Variants in GPC5 observed in about 807,000 individuals in gnomAD.
GPC5 encodes the protein glypican 5.
A neutral mutation model predicts 53.9 loss-of-function variants in GPC5; 47 were observed. The observed-to-expected ratio is 0.87, with a 90% CI of 0.69 to 1.11. GPC5 has a LOEUF of 1.11. Ranked by LOEUF, GPC5 falls within the 50% of genes most tolerant of loss-of-function variation. The pLI is 0.00. For synonymous variants in GPC5, 286 were observed against 263.3 expected, an observed-to-expected ratio of 1.09 and a Z score of -0.84; for missense variants, 748 against 713.1, an observed-to-expected ratio of 1.05 and a Z score of -0.56.
At chr13:91,839,017 G>A (rs770048519) in intron 5 of GPC5, among the ~76,000 whole-genome samples, 5 of 152,036 alleles carry the variant, frequency 3.3e-5, no homozygotes, top group Non-Finnish European at 5.9e-5. Context: ...TGATTACTCT[G>A]TATACTGCAC....
chr13:92,467,984 G>A (rs998244463), intron 7 of GPC5, among the ~76,000 whole-genome samples: 2 of 152,044 alleles, frequency 1.3e-5, no homozygotes, highest in African/African-American at 2.4e-5. Context: ...CGAACTCAGA[G>A]TTTATTCCTC....
At chr13:91,815,681 A>C (rs1456666491) in intron 5 of GPC5, among the ~76,000 whole-genome samples, 1 of 151,936 alleles carries the variant, frequency 6.6e-6, no homozygotes, top group Non-Finnish European at 1.5e-5. Flanking sequence ...GTGCCTCCAC[A>C]CCCTGCGTGA....
intron 2 of GPC5, among the ~76,000 whole-genome samples, chr13:91,684,565 T>C (rs531719111): frequency 6.6e-6 from 1 of 152,284 alleles, no homozygotes; most frequent in African/African-American, 2.4e-5. Flanking sequence ...ATTCAGTACA[T>C]ATGGACAATC....
At chr13:92,639,626 G>A (rs930688545) in intron 7 of GPC5, among the ~76,000 whole-genome samples, 3 of 152,166 alleles carry the variant, frequency 2.0e-5, no homozygotes, top group African/African-American at 7.2e-5. Context: ...CTTTTAGGTG[G>A]TCTGGGCATT....
At chr13:91,831,574 A>G (rs993494498) in intron 5 of GPC5, among the ~76,000 whole-genome samples, 3 of 152,030 alleles carry the variant, frequency 2.0e-5, no homozygotes, top group African/African-American at 7.2e-5. Flanking sequence ...AATTATATTG[A>G]AATACATAGG....
chr13:92,531,384 T>C (rs1881558629), intron 7 of GPC5, among the ~76,000 whole-genome samples: 1 of 151,846 alleles, frequency 6.6e-6, no homozygotes, highest in African/African-American at 2.4e-5. Context: ...ATATATATAT[T>C]TAAAATATAT....
chr13:91,843,798 G>A (rs1470078723), intron 5 of GPC5, among the ~76,000 whole-genome samples: 1 of 152,120 alleles, frequency 6.6e-6, no homozygotes, highest in Non-Finnish European at 1.5e-5. Context: ...TTAAAGAAAA[G>A]GGGGAAACAG....
intron 7 of GPC5, among the ~76,000 whole-genome samples, chr13:92,637,544 G>T (rs1016581223): frequency 1.3e-5 from 2 of 152,138 alleles, no homozygotes; most frequent in African/African-American, 4.8e-5. Context: ...GAAGTGTATT[G>T]TCTCACTAAT....
At chr13:92,579,557 G>A (rs1883309407) in intron 7 of GPC5, among the ~76,000 whole-genome samples, 1 of 151,910 alleles carries the variant, frequency 6.6e-6, no homozygotes, top group South Asian at 2.1e-4. Context: ...CGTATGTGGG[G>A]CCATAAGGGG....
chr13:91,598,529 A>C (rs2033073806), intron 2 of GPC5, among the ~76,000 whole-genome samples: 1 of 152,060 alleles, frequency 6.6e-6, no homozygotes, highest in Admixed American at 6.5e-5. Flanking sequence ...TTTCTTTGCC[A>C]ATCACTGGCA....
chr13:92,443,962 C>A lies in GPC5; in HGVS notation c.1561+298973C>A, dbSNP rs561130932. Among the ~76,000 whole-genome samples, 4 of 152,254 alleles carry A rather than the reference C, an allele frequency of 2.6e-5. 1 individual carries two copies. Among genetic ancestry groups the A allele is most frequent in the African/African-American group, 9.6e-5 (4 of 41,558 alleles). Reference sequence around the variant, plus strand: ...ACACATGTGTGGATTCCTATTATTTCCCAGTCATGCTCAGCTGCTACATGT... The same window carrying A: ...ACACATGTGTGGATTCCTATTATTTACCAGTCATGCTCAGCTGCTACATGT... On this transcript the variant is annotated intron_variant, in intron 7 of 7. Coordinates refer to ENST00000377067, the MANE Select transcript of GPC5 (RefSeq NM_004466.6).
rs147454180 is a variant in GPC5, at chr13:92,529,561, T to C, written c.1562-336721T>C. 2.1e-3 allele frequency among the ~76,000 whole-genome samples: 325 copies of C among 152,258 alleles called. 2 individuals carry two copies. Among genetic ancestry groups the C allele is most frequent in the African/African-American group, 7.3e-3 (304 of 41,548 alleles). On this transcript the variant is annotated intron_variant, in intron 7 of 7. Transcript: ENST00000377067. The stretch of plus-strand genomic sequence containing the variant: ...TGTCTTTAGGTGGCTTAATCTAATA[T>C]AGTAATGTAACCAGCTGGCAAGTAA...
intron 6 of GPC5, among the ~76,000 whole-genome samples, chr13:92,072,389 T>A (rs2041219639): frequency 6.7e-6 from 1 of 149,762 alleles, no homozygotes; most frequent in Non-Finnish European, 1.5e-5. Context: ...GCCTCAACTT[T>A]CCAAGTAGCT....
intron 7 of GPC5, among the ~76,000 whole-genome samples, chr13:92,438,156 T>C (rs1877391013): frequency 6.6e-6 from 1 of 151,870 alleles, no homozygotes; most frequent in African/African-American, 2.4e-5. Flanking sequence ...AATAAAATTA[T>C]GAGCAAAGTA....
intron 7 of GPC5, among the ~76,000 whole-genome samples, chr13:92,525,810 G>A (rs1452501748): frequency 6.6e-6 from 1 of 151,954 alleles, no homozygotes; most frequent in Non-Finnish European, 1.5e-5. Flanking sequence ...CCAGAAATTT[G>A]CTCTGATCCC....
Position 91,431,301 on chromosome 13 carries a change from G to A in GPC5, c.164-17460G>A, listed in dbSNP as rs1409637737. On this transcript the variant is annotated intron_variant, in intron 1 of 7. Transcript: ENST00000377067. ...AAAACCACTCTGCCTCCCCATCCAC[G>A]ATTTCTACATCTGGTTTATTTGACT... Among the ~76,000 whole-genome samples, 3 of 152,096 alleles carry A rather than the reference G, an allele frequency of 2.0e-5. 1 individual carries two copies. The highest frequency in any genetic ancestry group is 4.4e-5 in the Non-Finnish European group (3 of 68,022).
intron 6 of GPC5, among the ~76,000 whole-genome samples, chr13:92,077,178 T>G (rs1027811578): frequency 1.3e-5 from 2 of 152,156 alleles, no homozygotes; most frequent in Non-Finnish European, 2.9e-5. Context: ...CTAAAATGTA[T>G]AAAACCAAGC....
chr13:92,225,809 T>C (rs1030670622), intron 7 of GPC5, among the ~76,000 whole-genome samples: 23 of 152,138 alleles, frequency 1.5e-4, no homozygotes, highest in Non-Finnish European at 3.1e-4. Flanking sequence ...CTTTTTTTTC[T>C]TTATTTCTTT....
intron 6 of GPC5, among the ~76,000 whole-genome samples, chr13:92,140,027 G>A (rs929640431): frequency 1.3e-5 from 2 of 152,122 alleles, no homozygotes; most frequent in South Asian, 2.1e-4. Context: ...TCAAGAAAGT[G>A]GATTAAGTGC....
Sources: allele counts gnomAD v4.1 joint callset (sites outside exome capture counted in the v4.1 genomes callset), GRCh38; gene constraint gnomAD v4.1.1; transcripts MANE v1.5; gene names NCBI Gene and HGNC (gene_info 2026-07-23, HGNC 2026-07-21).